Variants in ZNF469 observed in about 807,000 individuals in gnomAD.
ZNF469 encodes the protein zinc finger protein 469.
A neutral mutation model predicts 1.0 loss-of-function variants in ZNF469; 1 was observed. The observed-to-expected ratio is 1.00, with a 90% CI of 0.35 to 4.73. The LOEUF is 4.73. Ranked by LOEUF, ZNF469 falls within the 30% of genes most tolerant of loss-of-function variation. ZNF469 has a pLI of 0.16. For synonymous variants in ZNF469, 2,703 were observed against 2,363.4 expected (o/e 1.14, Z -4.17); for missense variants, 6,100 against 5,356.3 (o/e 1.14, Z -4.33).
chr16:88,129,050 G>A, the ZNF469 span, among the ~76,000 whole-genome samples: 1 of 152,270 alleles, frequency 6.6e-6, no homozygotes, highest in Non-Finnish European at 1.5e-5. Context: ...ATTAAGTGGA[G>A]AAGAATACGT....
chr16:88,386,733 A>G (rs2092537500), intron 1 of ZNF469, among the ~76,000 whole-genome samples: 1 of 152,172 alleles, frequency 6.6e-6, no homozygotes, highest in South Asian at 2.1e-4. Context: ...AGGCCTCTCA[A>G]CTGAACCCCA....
the ZNF469 span, among the ~76,000 whole-genome samples, chr16:88,130,882 C>T: frequency 6.6e-6 from 1 of 152,172 alleles, no homozygotes; most frequent in Non-Finnish European, 1.5e-5. Flanking sequence ...GGGAAGGCCC[C>T]GCGGAGTGGG....
the ZNF469 span, among the ~76,000 whole-genome samples, chr16:88,210,791 C>G: frequency 6.6e-6 from 1 of 152,176 alleles, no homozygotes; most frequent in South Asian, 2.1e-4. Flanking sequence ...TGTTGTGTAT[C>G]GGTCCCACAC....
chr16:88,163,497 A>G, the ZNF469 span, among the ~76,000 whole-genome samples: 24 of 135,356 alleles, frequency 1.8e-4, 1 homozygote, highest in East Asian at 1.1e-3. Flanking sequence ...AGGATGGATG[A>G]ATGGATGGAT....
At chr16:88,349,900 CACACACAATACACACT>C in the ZNF469 span, among the ~76,000 whole-genome samples, 1 of 186 alleles carries the variant, frequency 5.4e-3, no homozygotes, top group Admixed American at 0.071. Context: ...GCACACACAT[CACACACAATACACACT>C]ACACACCACA....
chr16:88,157,282 G>T, the ZNF469 span, among the ~76,000 whole-genome samples: 4 of 152,262 alleles, frequency 2.6e-5, no homozygotes, highest in Admixed American at 2.6e-4. Flanking sequence ...CTCGGTGCCT[G>T]ATGGACTCAG....
chr16:88,326,705 T>C, the ZNF469 span, among the ~76,000 whole-genome samples: 1 of 152,112 alleles, frequency 6.6e-6, no homozygotes, highest in South Asian at 2.1e-4. Context: ...CACTGACTCA[T>C]GGGACCCCCG....
the ZNF469 span, among the ~76,000 whole-genome samples, chr16:88,188,153 G>GTGCC: frequency 6.6e-6 from 1 of 152,002 alleles, no homozygotes; most frequent in Non-Finnish European, 1.5e-5. Context: ...CCTGCCTGGG[G>GTGCC]TGCCCTTCCT....
chr16:88,415,781 C>G (rs983336784), intron 1 of ZNF469, among the ~76,000 whole-genome samples: 1 of 152,204 alleles, frequency 6.6e-6, no homozygotes, highest in Admixed American at 6.5e-5. Flanking sequence ...AAACCGGGAC[C>G]GACGGCTTCT....
the ZNF469 span, among the ~76,000 whole-genome samples, chr16:88,342,761 G>T: frequency 1.3e-5 from 2 of 152,244 alleles, no homozygotes; most frequent in East Asian, 1.9e-4. Context: ...GGGAGAACGT[G>T]CATAAGTGTA....
the ZNF469 span, among the ~76,000 whole-genome samples, chr16:88,283,618 T>C: frequency 2.6e-5 from 4 of 152,258 alleles, no homozygotes; most frequent in African/African-American, 9.6e-5. Flanking sequence ...ATCTGTTACA[T>C]TACTTTCTAG....
At chr16:88,350,151 G>A in the ZNF469 span, among the ~76,000 whole-genome samples, 4 of 152,134 alleles carry the variant, frequency 2.6e-5, no homozygotes, top group East Asian at 1.9e-4. Context: ...TTTAGTAACC[G>A]AAGGTCAAAC....
chr16:88,396,871 C>CCCTCCTGAAGGGAGGCCGGGAGGAG (rs1904689014), intron 1 of ZNF469, among the ~76,000 whole-genome samples: 1 of 29,678 alleles, frequency 3.4e-5, no homozygotes, highest in Admixed American at 3.0e-4. Flanking sequence ...GCCGGGAGGA[C>CCCTCCTGAAGGGAGGCCGGGAGGAG]ACCCTCCTGA....
the ZNF469 span, among the ~76,000 whole-genome samples, chr16:88,335,093 G>T: frequency 6.6e-6 from 1 of 152,228 alleles, no homozygotes; most frequent in Non-Finnish European, 1.5e-5. Context: ...CCTTTGGAGG[G>T]AGCACAGCCC....
chr16:88,145,964 C>T, the ZNF469 span, among the ~76,000 whole-genome samples: 4 of 152,226 alleles, frequency 2.6e-5, no homozygotes, highest in Non-Finnish European at 4.4e-5. Context: ...TTTTCCCAGC[C>T]GGCCTCGCAG....
At chr16:88,199,742 G>A in the ZNF469 span, among the ~76,000 whole-genome samples, 1 of 152,236 alleles carries the variant, frequency 6.6e-6, no homozygotes, top group Non-Finnish European at 1.5e-5. Flanking sequence ...TAGGGCTGGG[G>A]CAGCCTCAGG....
the ZNF469 span, among the ~76,000 whole-genome samples, chr16:88,376,923 C>T: frequency 1.1e-4 from 17 of 152,222 alleles, no homozygotes; most frequent in Non-Finnish European, 2.1e-4. Context: ...CCGAGGCCCC[C>T]GAGGGCCCAG....
the ZNF469 span, among the ~76,000 whole-genome samples, chr16:88,374,005 A>T: frequency 4.7e-4 from 52 of 110,908 alleles, no homozygotes; most frequent in South Asian, 1.4e-3. Context: ...GTCTAAAATT[A>T]AAAAAAAAAA....
chr16:88,376,097 G>A, the ZNF469 span, among the ~76,000 whole-genome samples: 1 of 152,270 alleles, frequency 6.6e-6, no homozygotes, highest in Admixed American at 6.5e-5. Flanking sequence ...GCAGGCCCAG[G>A]TGCTGGGAGA....
Sources: gnomAD v4.1 joint callset for allele counts (sites outside exome capture counted in the v4.1 genomes callset) on GRCh38, gnomAD v4.1.1 for gene constraint, MANE v1.5 for transcripts, NCBI Gene and HGNC (gene_info 2026-07-23, HGNC 2026-07-21) for gene names.